Variants in TSPAN4 observed in about 807,000 individuals in gnomAD.
TSPAN4 encodes the protein tetraspanin 4, also known as tetraspanin-4.
A neutral mutation model predicts 31.5 loss-of-function variants in TSPAN4; 38 were observed. That is an observed-to-expected ratio of 1.21 (90% CI 0.93 to 1.58). The LOEUF (loss-of-function observed/expected upper bound fraction) is 1.58, where lower values mean the gene tolerates loss of function less well. Among genes scored for constraint, TSPAN4 ranks in the 40% most tolerant of loss-of-function variants. The probability of loss-of-function intolerance (pLI) is 0.00; values close to 1 mark genes in which losing one functional copy is unlikely to be tolerated. For missense variants in TSPAN4, 330 were observed against 317.3 expected (o/e 1.04, Z -0.30); for synonymous variants, 186 against 144.6 (o/e 1.29, Z -2.06).
chr11:851,372 G>A (rs938545058), intron 3 of TSPAN4, among the ~76,000 whole-genome samples: 1 of 152,208 alleles, frequency 6.6e-6, no homozygotes, highest in African/African-American at 2.4e-5. Flanking sequence ...TGTGGCCTCA[G>A]CTCCTGCCTA....
chr11:857,723 C>T (rs1344881117), intron 3 of TSPAN4: 1 of 152,234 alleles, frequency 6.6e-6, no homozygotes, highest in African/African-American at 2.4e-5. Context: ...TTTTAAATGA[C>T]AGTTTTCTCT....
chr11:866,023 G>A (rs1485973538), intron 8 of TSPAN4, 22 bp downstream of exon 8: 1 of 1,609,076 alleles, frequency 6.2e-7, no homozygotes, highest in South Asian at 1.1e-5. Flanking sequence ...GGGCCTGCGG[G>A]CTCCCTGCCC....
rs757235104 is a variant in TSPAN4 at position 863,146 on chromosome 11, G to A, written c.255+405G>A. ...CCCCTTCCCCAGCTTCTTGTTGGGG[G>A]CCTGGTCTCTCAGCTCCCTGGGACC... is the stretch of plus-strand genomic sequence containing the variant. On this transcript the variant is annotated intron_variant, in intron 4 of 8. Transcript: ENST00000397397. 2.4e-3 allele frequency: 405 copies of A among 165,656 alleles called. 6 individuals carry two copies. The highest frequency in any genetic ancestry group is 2.7e-4 in the Non-Finnish European group (21 of 77,628). 10.3% of individuals were successfully genotyped at this position (165,656 alleles called of 1,614,324 possible).
intron 1 of TSPAN4, among the ~76,000 whole-genome samples, chr11:845,529 G>C (rs574538560): frequency 2.0e-5 from 3 of 152,170 alleles, no homozygotes; most frequent in Admixed American, 6.5e-5. Context: ...CCATGCAGCT[G>C]CCCAGGCCTG....
intron 3 of TSPAN4, chr11:857,505 C>T (rs1248580344): frequency 1.3e-5 from 2 of 148,422 alleles, no homozygotes; most frequent in African/African-American, 2.5e-5. Context: ...TGGGTTCACG[C>T]CATTCTCCTG....
chr11:862,392 C>T, intron 3 of TSPAN4, 158 bp from the exon 4 acceptor site: 1 of 648,102 alleles, frequency 1.5e-6, no homozygotes, highest in Non-Finnish European at 2.6e-6. Flanking sequence ...CCTGGACACC[C>T]CCCCGGGCTG....
chr11:843,374 C>T (rs1386556615), intron 1 of TSPAN4: 3 of 152,064 alleles, frequency 2.0e-5, no homozygotes. Flanking sequence ...CTCGCCGTCC[C>T]GAGCTCCCGA....
chr11:844,167 G>C (rs1847149692), intron 1 of TSPAN4: 1 of 152,616 alleles, frequency 6.6e-6, no homozygotes, highest in South Asian at 2.1e-4. Context: ...TCAGCTGCGA[G>C]GCTGCTGGTG....
intron 3 of TSPAN4, 69 bp downstream of exon 3, chr11:850,436 C>G: frequency 1.4e-6 from 2 of 1,410,602 alleles, no homozygotes; most frequent in Non-Finnish European, 1.9e-6. Context: ...GTCGCGGGGT[C>G]TGGGGAGTCG....
intron 1 of TSPAN4, among the ~76,000 whole-genome samples, chr11:845,581 G>A (rs576473126): frequency 1.4e-4 from 22 of 152,278 alleles, no homozygotes; most frequent in African/African-American, 5.3e-4. Context: ...TAGGTTGCAG[G>A]GGCCAGGGCC....
intron 1 of TSPAN4, chr11:844,703 T>G (rs1847197675): frequency 1.8e-5 from 2 of 113,150 alleles, no homozygotes; most frequent in African/African-American, 3.7e-5. Flanking sequence ...TCGGCCTGGC[T>G]TCTGGGGGGG....
Position 848,699 on chromosome 11 carries a change from TCCTCATTCC to T in TSPAN4, c.-18+1402_-18+1410del, listed in dbSNP as rs750599227. 2.3e-5 allele frequency: 12 copies of T among 510,926 alleles called. No homozygotes were observed. Among genetic ancestry groups the T allele is most frequent in the Non-Finnish European group, 4.2e-5 (12 of 287,388 alleles). The allele number at this position is 510,926 out of a possible 1,614,324, so 31.6% of individuals were successfully genotyped here. On this transcript the variant is annotated intron_variant, in intron 2 of 8. Coordinates refer to ENST00000397397, the MANE Select transcript of TSPAN4 (RefSeq NM_003271.5). This position sits in a 1 kb window ranked among gnomAD's most constrained non-coding sequence, Gnocchi z 5.7. The stretch of plus-strand genomic sequence containing the variant: ...CTCTCCCTCCTCTTCCTCCTGCCCT[TCCTCATTCC>T]CCACCTCTGGGCTTCAGGTCATCTG...
At chr11:852,085 C>A (rs113173105) in intron 3 of TSPAN4, among the ~76,000 whole-genome samples, 2 of 152,270 alleles carry the variant, frequency 1.3e-5, no homozygotes, top group African/African-American at 4.8e-5. Flanking sequence ...CACAAGGAAC[C>A]CCCTTGGGAC....
At chr11:849,222 G>T (rs905026904) in intron 2 of TSPAN4, among the ~76,000 whole-genome samples, 5 of 152,206 alleles carry the variant, frequency 3.3e-5, no homozygotes, top group Non-Finnish European at 5.9e-5. Context: ...CTGGTGGAGG[G>T]GGGGTGGGTA....
chr11:864,749 G>A (rs984458826), intron 5 of TSPAN4: 17 of 589,486 alleles, frequency 2.9e-5, no homozygotes, highest in Non-Finnish European at 4.8e-5. Flanking sequence ...CGGAGGGTGC[G>A]CCCCAGGTTG....
At chr11:852,479 C>G (rs1329126465) in intron 3 of TSPAN4, among the ~76,000 whole-genome samples, 1 of 152,236 alleles carries the variant, frequency 6.6e-6, no homozygotes, top group Non-Finnish European at 1.5e-5. Context: ...GCTTCATACA[C>G]CAGCCTTGGC....
At chr11:857,160 C>G (rs2134026203) in intron 3 of TSPAN4, 1 of 152,326 alleles carries the variant, frequency 6.6e-6, no homozygotes. Flanking sequence ...TCAGTTCCCA[C>G]CAGGGCTGGG....
At position 864,903 on chromosome 11, in the gene TSPAN4, G is replaced by A. The variant is rs1050292782; in HGVS notation, c.330+392G>A. ...AGCCATTTGTTTATACTGGGATGAA[G>A]TCCTGGCTATTGAGGTTGCACTCCG... is the stretch of plus-strand genomic sequence containing the variant. On this transcript the variant is annotated intron_variant, in intron 5 of 8. Coordinates refer to ENST00000397397, the MANE Select transcript of TSPAN4 (RefSeq NM_003271.5). The A allele has an allele frequency of 7.9e-5, 19 of 241,452 alleles. No individual in the cohort carries two copies. In the Admixed American group the frequency reaches 9.3e-4, roughly 12 times the overall value. 15.0% of individuals were successfully genotyped at this position (241,452 alleles called of 1,614,324 possible). A position where few individuals can be genotyped will look rare whatever the true frequency, so the allele number is the denominator to read the frequency against.
rs373182502 is a variant in TSPAN4 at position 850,283 on chromosome 11, C to T, written c.-17-5C>T. 5.0e-6 allele frequency: 8 copies of T among 1,604,940 alleles called. No homozygotes were observed. Among genetic ancestry groups the T allele is most frequent in the Admixed American group, 3.4e-5 (2 of 59,388 alleles). The stretch of plus-strand genomic sequence containing the variant: ...ACCTGGACCTCTCCTTCATCTTCCT[C>T]CTAGAACTGAAGCGCTGCGGCATGG... On this transcript the variant is annotated splice_region_variant and splice_polypyrimidine_tract_variant and intron_variant, in intron 2 of 8. Transcript: ENST00000397397.
Sources: allele counts gnomAD v4.1 joint callset (sites outside exome capture counted in the v4.1 genomes callset), GRCh38; gene constraint gnomAD v4.1.1; non-coding constraint Gnocchi (gnomAD v3.1); transcripts MANE v1.5; gene names NCBI Gene and HGNC (gene_info 2026-07-23, HGNC 2026-07-21).